FLT1: variants seen among roughly 807,000 people sequenced by gnomAD.
FLT1 encodes the protein fms related receptor tyrosine kinase 1.
FLT1 carries 49 observed loss-of-function variants against 156.3 expected under a neutral mutation model. The observed-to-expected ratio is 0.31, with a 90% CI of 0.25 to 0.40. FLT1 has a LOEUF of 0.40. Among genes scored for constraint, FLT1 ranks in the 10% least tolerant of loss-of-function variants. The pLI, the probability that FLT1 is intolerant of heterozygous loss-of-function variation, is 1.00. For synonymous variants in FLT1, 594 were observed against 583.8 expected (o/e 1.02, Z -0.25); for missense variants, 1,322 against 1,637.2 (o/e 0.81, Z 3.32).
At chr13:28,346,786 T>C (rs9513085) in intron 15 of FLT1, among the ~76,000 whole-genome samples, 30,389 of 152,046 alleles carry the variant, frequency 0.2, 3,220 homozygotes, top group East Asian at 0.33. Context: ...ACAAGTGAAA[T>C]TTTCTTTTTA....
intron 16 of FLT1, 104 bp downstream of exon 16, chr13:28,345,340 AG>A: frequency 4.2e-6 from 3 of 720,102 alleles, no homozygotes; most frequent in Non-Finnish European, 7.5e-6. Context: ...ATGAGAGGGA[AG>A]GGAAAGAAAG....
At chr13:28,415,016 C>T (rs754782375) in intron 10 of FLT1, among the ~76,000 whole-genome samples, 12 of 152,304 alleles carry the variant, frequency 7.9e-5, no homozygotes, top group Non-Finnish European at 1.6e-4. Context: ...CTCAGCACAG[C>T]AGTGTCAGCA....
rs1871506352 is a variant in FLT1, at chr13:28,322,549, A to G, written c.2954-190T>C. On this transcript the variant is annotated intron_variant, in intron 21 of 29. Transcript: ENST00000282397. This position sits in a 1 kb window ranked among gnomAD's most constrained non-coding sequence, Gnocchi z 4.3. ...GGCCTCCAGCCCACTTTATCCAAGCATGGGGGCAGGGGGATGATCCATTAA... is the reference window on the plus strand; with the variant it reads ...GGCCTCCAGCCCACTTTATCCAAGCGTGGGGGCAGGGGGATGATCCATTAA... The G allele has an allele frequency of 1.4e-6, 1 of 722,588 alleles. No individual in the cohort carries two copies. The highest frequency in any genetic ancestry group is 2.5e-6 in the Non-Finnish European group (1 of 403,936). 44.8% of individuals were successfully genotyped at this position (722,588 alleles called of 1,614,324 possible).
At chr13:28,473,203 G>A (rs960876704) in intron 1 of FLT1, among the ~76,000 whole-genome samples, 1 of 152,128 alleles carries the variant, frequency 6.6e-6, no homozygotes, top group African/African-American at 2.4e-5. Flanking sequence ...GCAATTCCTC[G>A]ATGGTTAAAC....
chr13:28,464,475 A>G (rs1017635769), intron 3 of FLT1, among the ~76,000 whole-genome samples: 5 of 152,264 alleles, frequency 3.3e-5, no homozygotes, highest in Admixed American at 1.3e-4. Flanking sequence ...CAATTTTAAC[A>G]TAGTATTCCA....
At chr13:28,341,065 T>C (rs1324031708) in intron 16 of FLT1, among the ~76,000 whole-genome samples, 2 of 152,126 alleles carry the variant, frequency 1.3e-5, no homozygotes, top group Admixed American at 6.5e-5. Flanking sequence ...GAGCATAGGA[T>C]AGCTGAAACC....
intron 10 of FLT1, among the ~76,000 whole-genome samples, chr13:28,422,770 C>T (rs533437314): frequency 2.6e-5 from 4 of 152,236 alleles, no homozygotes; most frequent in Non-Finnish European, 2.9e-5. Context: ...TTCAAGCACA[C>T]GTAAAGAAAA....
chr13:28,311,067 C>G (rs1870981739), intron 27 of FLT1, among the ~76,000 whole-genome samples: 1 of 152,202 alleles, frequency 6.6e-6, no homozygotes. Flanking sequence ...AAGTGATCCT[C>G]CAACCTCAGC....
At chr13:28,438,545 C>T (rs1878163353) in intron 3 of FLT1, among the ~76,000 whole-genome samples, 200 bp from the exon 4 acceptor site, 1 of 152,146 alleles carries the variant, frequency 6.6e-6, no homozygotes, top group African/African-American at 2.4e-5. Context: ...CTAATAAAAC[C>T]TAATTTCATA....
At chr13:28,412,352 C>CTTTTCTTTCTTTCTT (rs1566012951) in intron 10 of FLT1, among the ~76,000 whole-genome samples, 17 of 53,352 alleles carry the variant, frequency 3.2e-4, no homozygotes, top group African/African-American at 5.3e-4. Flanking sequence ...CTTTCTTTCT[C>CTTTTCTTTCTTTCTT]TTTCTTTCTT....
intron 8 of FLT1, among the ~76,000 whole-genome samples, 171 bp downstream of exon 8, chr13:28,429,879 C>T (rs1028885718): frequency 2.6e-5 from 4 of 152,168 alleles, no homozygotes; most frequent in Non-Finnish European, 4.4e-5. Context: ...ATTTCCTTTT[C>T]CCCAGCCCTT....
intron 29 of FLT1, 55 bp from the exon 30 acceptor site, chr13:28,303,423 A>G: frequency 2.0e-6 from 3 of 1,501,260 alleles, no homozygotes; most frequent in Non-Finnish European, 2.7e-6. Flanking sequence ...TTAGAAAACA[A>G]AGACACTAAA....
intron 1 of FLT1, among the ~76,000 whole-genome samples, chr13:28,482,271 T>C (rs1238294947): frequency 3.3e-5 from 5 of 152,056 alleles, no homozygotes; most frequent in African/African-American, 9.7e-5. Context: ...AAATCCCATC[T>C]CTACTAAAAA....
At chr13:28,429,126 G>A (rs1877523916) in intron 8 of FLT1, among the ~76,000 whole-genome samples, 1 of 152,046 alleles carries the variant, frequency 6.6e-6, no homozygotes, top group Admixed American at 6.6e-5. Flanking sequence ...ACTACTAAAC[G>A]TTTTTGATAT....
At chr13:28,314,542 A>C (rs1871128978) in intron 25 of FLT1, among the ~76,000 whole-genome samples, 1 of 152,072 alleles carries the variant, frequency 6.6e-6, no homozygotes, top group Non-Finnish European at 1.5e-5. Flanking sequence ...ATGAGACATT[A>C]GCTTGCATCC....
At chr13:28,405,096 T>C (rs951809049) in intron 11 of FLT1, among the ~76,000 whole-genome samples, 8 of 152,086 alleles carry the variant, frequency 5.3e-5, no homozygotes, top group Admixed American at 2.0e-4. Flanking sequence ...GTGTATTCTT[T>C]ACTAATTCAA....
intron 14 of FLT1, among the ~76,000 whole-genome samples, chr13:28,375,385 AAT>A (rs1491283516): frequency 5.5e-5 from 1 of 18,282 alleles, no homozygotes; most frequent in Non-Finnish European, 3.3e-4. Flanking sequence ...CAACATTTTC[AAT>A]TTTTTTTTTT....
chr13:28,494,851 G>T lies in FLT1; in HGVS notation c.-8C>A. 6.5e-7 allele frequency: 1 copy of T among 1,548,584 alleles called. No homozygotes were observed. On this transcript the variant is annotated 5_prime_UTR_variant, in exon 1 of 30. Transcript: ENST00000282397. ...GTCCCAGTAGCTGACCATGGTGAGC[G>T]CGACGCGGCCTGCTCGCCCGGTGCC...
At chr13:28,320,558 T>A (rs913515199) in intron 23 of FLT1, among the ~76,000 whole-genome samples, 1 of 152,024 alleles carries the variant, frequency 6.6e-6, no homozygotes, top group East Asian at 1.9e-4. Flanking sequence ...TTTTTTTTTT[T>A]AGCTCATCAG....
Sources: allele counts gnomAD v4.1 joint callset (sites outside exome capture counted in the v4.1 genomes callset), GRCh38; gene constraint gnomAD v4.1.1; non-coding constraint Gnocchi (gnomAD v3.1); transcripts MANE v1.5; gene names NCBI Gene and HGNC (gene_info 2026-07-23, HGNC 2026-07-21).